Variants in OTOG observed in about 807,000 individuals in gnomAD.
OTOG encodes the protein otogelin.
In OTOG, 296 loss-of-function variants were observed where a neutral mutation model predicts 313.8. The observed-to-expected ratio is 0.94, with a 90% CI of 0.86 to 1.04. OTOG has a LOEUF of 1.04. OTOG is among the 50% of genes least tolerant of loss of function. The pLI is 0.00. For missense variants in OTOG, 3,948 were observed against 3,840.1 expected (o/e 1.03, Z -0.74); for synonymous variants, 1,533 against 1,554.9 (o/e 0.99, Z 0.33).
In OTOG at chr11:17,593,727, G is replaced by A. The variant is rs768467112; in HGVS notation, c.3259G>A (p.Val1087Met). 2.6e-6 allele frequency: 4 copies of A among 1,548,754 alleles called. No individual in the cohort carries two copies. Among genetic ancestry groups the A allele is most frequent in the South Asian group, 1.2e-5 (1 of 83,972 alleles). ...ITLLWDQRTT[V>M]HVQAGPQWQG... is the part of the protein sequence containing the mutation. Reference sequence around the variant, plus strand: ...CCTCTTGTGGGACCAGAGAACCACAGTGCACGTCCAGGCTGGGCCTCAGTG... The same window carrying A: ...CCTCTTGTGGGACCAGAGAACCACAATGCACGTCCAGGCTGGGCCTCAGTG... Residue 1087 changes from valine (V) to methionine (M), a missense_variant, in exon 27 of 56, where the codon GTG (valine) becomes ATG (methionine). Transcript: ENST00000399397.
At chr11:17,569,434 G>A (rs1056299551) in intron 16 of OTOG, 146 bp downstream of exon 16, 3 of 1,154,902 alleles carry the variant, frequency 2.6e-6, no homozygotes, top group Middle Eastern at 5.3e-4. Context: ...CACTTTGGTT[G>A]CAAAAATGTG....
chr11:17,613,599 G>C lies in OTOG; in HGVS notation c.6439-13G>C, dbSNP rs533593822. The C allele has an allele frequency of 6.5e-7, 1 of 1,550,136 alleles. No homozygotes were observed. Among genetic ancestry groups the C allele is most frequent in the East Asian group, 2.4e-5 (1 of 40,864 alleles). On this transcript the variant is annotated splice_polypyrimidine_tract_variant and intron_variant, in intron 38 of 55. Coordinates refer to ENST00000399397, the MANE Select transcript of OTOG (RefSeq NM_001292063.2). ...AGGGCTCCAAGTTGATGAGGGCTGGGTTCTCTCTGCAGGGGCACCTGAACT... is the reference window on the plus strand; with the variant it reads ...AGGGCTCCAAGTTGATGAGGGCTGGCTTCTCTCTGCAGGGGCACCTGAACT...
chr11:17,581,896 T>C (rs571531731), intron 23 of OTOG, among the ~76,000 whole-genome samples: 126 of 152,378 alleles, frequency 8.3e-4, no homozygotes, highest in African/African-American at 3.0e-3. Flanking sequence ...AGGTTCTGCC[T>C]GTTCTAGAAC....
At chr11:17,568,533 C>T (rs1311802391) in intron 15 of OTOG, among the ~76,000 whole-genome samples, 2 of 152,178 alleles carry the variant, frequency 1.3e-5, no homozygotes, top group African/African-American at 4.8e-5. Context: ...TATGTAATTT[C>T]CTTGAGGACA....
chr11:17,601,662 C>T (rs982255031), intron 31 of OTOG, among the ~76,000 whole-genome samples: 18 of 152,098 alleles, frequency 1.2e-4, no homozygotes, highest in Admixed American at 7.8e-4. Flanking sequence ...GTGGGCACAG[C>T]AGAGGCAGGA....
intron 43 of OTOG, 59 bp from the exon 44 acceptor site, chr11:17,634,010 C>T (rs1854197440): frequency 3.3e-6 from 5 of 1,507,320 alleles, no homozygotes; most frequent in Non-Finnish European, 4.4e-6. Flanking sequence ...AGAGTCTAGC[C>T]TGGGAAGGTC....
intron 41 of OTOG, 40 bp downstream of exon 41, chr11:17,631,962 G>A (rs925700607): frequency 1.3e-6 from 2 of 1,544,832 alleles, no homozygotes; most frequent in Non-Finnish European, 1.7e-6. Context: ...ACACCTCCTG[G>A]GCTGGCTGGG....
chr11:17,626,035 C>T (rs1853976900), intron 39 of OTOG, among the ~76,000 whole-genome samples: 1 of 152,124 alleles, frequency 6.6e-6, no homozygotes, highest in African/African-American at 2.4e-5. Context: ...CCAGTTTCCC[C>T]AGCACCACTT....
At chr11:17,645,449 T>G in intron 54 of OTOG, 115 bp from the exon 55 acceptor site, 1 of 944,024 alleles carries the variant, frequency 1.1e-6, no homozygotes, top group Non-Finnish European at 1.6e-6. Context: ...GCATGGGTGC[T>G]AATGCTGGAA....
chr11:17,580,999 A>G (rs747485882), intron 23 of OTOG, among the ~76,000 whole-genome samples: 1 of 152,200 alleles, frequency 6.6e-6, no homozygotes, highest in Non-Finnish European at 1.5e-5. Context: ...AGAGTGGAAG[A>G]TCAGTAGTTT....
At position 17,610,208 on chromosome 11, in the gene OTOG, G is replaced by A. The variant is rs1371181644; in HGVS notation, c.4908G>A (p.Gln1636=). Residue 1636 remains glutamine, a synonymous_variant, in exon 36 of 56, where the codon CAG becomes CAA. Transcript: ENST00000399397. The part of the protein sequence containing the change: ...GSLPVRTTPP[Q]PSLTASPSSR... ...TGCCTGTTAGGACGACACCCCCACA[G>A]CCCTCCTTGACAGCAAGTCCCTCCT... The A allele has an allele frequency of 6.4e-7, 1 of 1,550,462 alleles. No homozygotes were observed. Among genetic ancestry groups the A allele is most frequent in the Non-Finnish European group, 8.7e-7 (1 of 1,146,898 alleles).
intron 31 of OTOG, among the ~76,000 whole-genome samples, chr11:17,600,441 T>C (rs911486407): frequency 1.3e-5 from 2 of 152,220 alleles, no homozygotes; most frequent in Non-Finnish European, 2.9e-5. Context: ...CTCCAGGGAC[T>C]GTGCTGCCAG....
At chr11:17,643,856 C>T (rs1285908313) in intron 54 of OTOG, among the ~76,000 whole-genome samples, 7 of 152,244 alleles carry the variant, frequency 4.6e-5, no homozygotes, top group Non-Finnish European at 8.8e-5. Flanking sequence ...ATAAATTCTC[C>T]CGTAGTCAGA....
intron 24 of OTOG, among the ~76,000 whole-genome samples, chr11:17,590,083 G>A (rs567094686): frequency 1.3e-5 from 2 of 152,040 alleles, no homozygotes; most frequent in South Asian, 2.1e-4. Flanking sequence ...CTCCCTTGGT[G>A]AACTCTCCCA....
At chr11:17,628,994 A>G (rs1854049285) in intron 39 of OTOG, 139 bp from the exon 40 acceptor site, 2 of 828,172 alleles carry the variant, frequency 2.4e-6, no homozygotes, top group Admixed American at 5.3e-5. Flanking sequence ...AGAGCCTGGC[A>G]CATAGCAGAT....
chr11:17,599,546 T>G, intron 30 of OTOG, 125 bp from the exon 31 acceptor site: 2 of 993,734 alleles, frequency 2.0e-6, no homozygotes, highest in South Asian at 2.9e-5. Flanking sequence ...TCTTGACATG[T>G]GGGAGGCAGG....
At position 17,616,600 on chromosome 11, in the gene OTOG, A is replaced by G. The variant is rs554815492; in HGVS notation, c.6528+2899A>G. 7.2e-5 allele frequency among the ~76,000 whole-genome samples: 11 copies of G among 152,224 alleles called. No individual in the cohort carries two copies. The South Asian group carries it at 2.3e-3, about 32-fold the overall frequency. ...TGTAAGGATCCTATACATATTTGAT[A>G]GGCTTATTCCTAAGTAGTTTATATT... On this transcript the variant is annotated intron_variant, in intron 39 of 55. Transcript: ENST00000399397.
intron 12 of OTOG, 54 bp from the exon 13 acceptor site, chr11:17,560,655 T>C (rs1852160055): frequency 7.5e-7 from 1 of 1,335,484 alleles, no homozygotes; most frequent in Admixed American, 2.0e-5. Context: ...GAGCCACGAA[T>C]GGTTTGTGAA....
intron 38 of OTOG, 90 bp downstream of exon 38, chr11:17,612,855 G>A: frequency 7.0e-7 from 1 of 1,420,504 alleles, no homozygotes; most frequent in Non-Finnish European, 9.4e-7. Context: ...GGTACCAGAG[G>A]CAAAGACAGA....
Sources: allele counts gnomAD v4.1 joint callset (sites outside exome capture counted in the v4.1 genomes callset), GRCh38; gene constraint gnomAD v4.1.1; transcripts MANE v1.5; gene names NCBI Gene and HGNC (gene_info 2026-07-23, HGNC 2026-07-21).